Variants in TANC2 observed in about 807,000 individuals in gnomAD.
TANC2 encodes the protein protein TANC2.
A neutral mutation model predicts 210.5 loss-of-function variants in TANC2; 26 were observed. The observed-to-expected ratio is 0.12, with a 90% CI of 0.09 to 0.17. TANC2 has a LOEUF of 0.17. TANC2 is among the 10% of genes least tolerant of loss of function. The pLI is 1.00. For synonymous variants in TANC2, 931 were observed against 967.1 expected, an observed-to-expected ratio of 0.96 and a Z score of 0.69; for missense variants, 2,129 against 2,608.9, an observed-to-expected ratio of 0.82 and a Z score of 4.01.
chr17:63,058,880 A>G (rs1327786051), intron 2 of TANC2, among the ~76,000 whole-genome samples: 1 of 152,124 alleles, frequency 6.6e-6, no homozygotes, highest in African/African-American at 2.4e-5. Context: ...TGATGCCTCC[A>G]TCTTTGATAT....
At chr17:63,313,007 G>A (rs772567570) in intron 9 of TANC2, among the ~76,000 whole-genome samples, 4 of 152,148 alleles carry the variant, frequency 2.6e-5, no homozygotes, top group African/African-American at 7.2e-5. Flanking sequence ...GTATGTGTGC[G>A]TGTGTCTGTG....
chr17:63,130,020 T>C (rs965088741), intron 4 of TANC2, among the ~76,000 whole-genome samples: 4 of 152,186 alleles, frequency 2.6e-5, no homozygotes, highest in Non-Finnish European at 4.4e-5. Context: ...TTACCTGTTT[T>C]AATGATGAGT....
chr17:63,326,148 T>C (rs2045637441), intron 11 of TANC2, among the ~76,000 whole-genome samples: 1 of 152,196 alleles, frequency 6.6e-6, no homozygotes, highest in Non-Finnish European at 1.5e-5. Context: ...AGGCATACTG[T>C]AAAGCCTAAA....
At chr17:63,416,750 G>A (rs1302493163) in intron 26 of TANC2, among the ~76,000 whole-genome samples, 2 of 152,216 alleles carry the variant, frequency 1.3e-5, no homozygotes, top group African/African-American at 4.8e-5. Context: ...GACTGTCTCA[G>A]AGAACACGGC....
intron 4 of TANC2, among the ~76,000 whole-genome samples, chr17:63,119,284 G>C (rs1048889395): frequency 6.6e-6 from 1 of 152,136 alleles, no homozygotes; most frequent in African/African-American, 2.4e-5. Context: ...ATATGACTAG[G>C]TTATTTTAAT....
chr17:63,104,489 A>T (rs2037748915), intron 4 of TANC2, among the ~76,000 whole-genome samples: 1 of 152,230 alleles, frequency 6.6e-6, no homozygotes, highest in Non-Finnish European at 1.5e-5. Context: ...CAAAATTATA[A>T]GGCACATAAT....
At chr17:63,116,331 G>A (rs2038250667) in intron 4 of TANC2, among the ~76,000 whole-genome samples, 1 of 152,174 alleles carries the variant, frequency 6.6e-6, no homozygotes, top group African/African-American at 2.4e-5. Flanking sequence ...TCTATGCATT[G>A]GTGCTTTCAC....
At chr17:63,009,742 G>C in intron 2 of TANC2, 116 bp downstream of exon 2, 1 of 862,432 alleles carries the variant, frequency 1.2e-6, no homozygotes, top group Non-Finnish European at 1.8e-6. Context: ...TTAAAAGAAA[G>C]TTTACATTTC....
rs368953403 is a variant in TANC2, at chr17:63,388,656, G to A, written c.2713G>A (p.Val905Ile). 6.8e-6 allele frequency: 11 copies of A among 1,606,410 alleles called. No individual in the cohort carries two copies. The African/African-American group carries it at 8.0e-5, about 12-fold the overall frequency. The change falls in exon 16 of 28, where the codon GTA becomes ATA. Residue 905 changes from valine (V) to isoleucine (I), a missense_variant. Physicochemically the swap from Val to Ile is conservative, Grantham distance 29. Coordinates refer to ENST00000689528, the Ensembl canonical transcript of TANC2. Reference sequence around the variant, plus strand: ...TCAGGGTTTGAGTAAAAAAGTTGGTGTATCATCCTCCATCCTCCAAGGTCT... The same window carrying A: ...TCAGGGTTTGAGTAAAAAAGTTGGTATATCATCCTCCATCCTCCAAGGTCT...
chr17:63,053,593 T>C (rs1435758635), intron 2 of TANC2, among the ~76,000 whole-genome samples: 1 of 152,226 alleles, frequency 6.6e-6, no homozygotes, highest in East Asian at 1.9e-4. Context: ...TCCTTGGGGA[T>C]CTCATGCAGT....
Position 63,074,018 on chromosome 17 carries a change from A to G in TANC2, c.139+4A>G, listed in dbSNP as rs549008410. ...CGCCAAAGCCGCTCTGGGCAAGGTA[A>G]ATTTTCATCAGATTGATTATTAAAT... On this transcript the variant is annotated splice_donor_region_variant and intron_variant, in intron 3 of 27. Transcript: ENST00000689528. 1.3e-6 allele frequency: 2 copies of G among 1,563,402 alleles called. No homozygotes were observed. Among genetic ancestry groups the G allele is most frequent in the East Asian group, 2.4e-5 (1 of 42,262 alleles).
intron 8 of TANC2, among the ~76,000 whole-genome samples, chr17:63,252,031 A>T (rs1374722370): frequency 6.6e-6 from 1 of 152,190 alleles, no homozygotes. Context: ...TAAATATAAG[A>T]AGTTAAACGT....
intron 14 of TANC2, among the ~76,000 whole-genome samples, chr17:63,365,469 T>C (rs1074637): frequency 0.071 from 10,796 of 152,268 alleles, 514 homozygotes; most frequent in Non-Finnish European, 0.1. Flanking sequence ...TTCGAGTCCA[T>C]TCTCCACCAG....
intron 8 of TANC2, among the ~76,000 whole-genome samples, chr17:63,238,549 C>T (rs149872186): frequency 1.5e-3 from 233 of 152,198 alleles, no homozygotes; most frequent in African/African-American, 5.5e-3. Context: ...TTCCTCATCC[C>T]GTGAGTTTCA....
At chr17:63,022,802 C>G (rs565593169) in intron 2 of TANC2, among the ~76,000 whole-genome samples, 1 of 152,278 alleles carries the variant, frequency 6.6e-6, no homozygotes, top group African/African-American at 2.4e-5. Flanking sequence ...TGCTTGGCTG[C>G]ACCAGCTGTG....
intron 5 of TANC2, among the ~76,000 whole-genome samples, chr17:63,181,968 G>A (rs1439202107): frequency 6.6e-6 from 1 of 152,086 alleles, no homozygotes; most frequent in African/African-American, 2.4e-5. Context: ...GTAGGCGGAA[G>A]AGAAGTTGAG....
intron 21 of TANC2, among the ~76,000 whole-genome samples, chr17:63,410,075 G>C (rs1050000595): frequency 1.6e-4 from 24 of 152,312 alleles, no homozygotes; most frequent in African/African-American, 5.5e-4. Flanking sequence ...GGATACTCAA[G>C]CTGTATATGT....
At chr17:63,344,857 T>A (rs1463160076) in intron 12 of TANC2, among the ~76,000 whole-genome samples, 1 of 152,180 alleles carries the variant, frequency 6.6e-6, no homozygotes, top group East Asian at 1.9e-4. Flanking sequence ...ATGTGACAAC[T>A]GAGGGAGGTC....
chr17:63,279,132 T>G (rs1366678182), intron 9 of TANC2, among the ~76,000 whole-genome samples: 1 of 151,944 alleles, frequency 6.6e-6, no homozygotes, highest in African/African-American at 2.4e-5. Context: ...ACATCAGGAG[T>G]AGGCAACAGA....
Sources: gnomAD v4.1 joint callset for allele counts (sites outside exome capture counted in the v4.1 genomes callset) on GRCh38, gnomAD v4.1.1 for gene constraint, MANE v1.5 for transcripts, NCBI Gene and HGNC (gene_info 2026-07-23, HGNC 2026-07-21) for gene names.